The following B4GALNT3 variants were observed in gnomAD, a reference collection of about 807,000 sequenced individuals.
B4GALNT3 encodes beta-1,4-N-acetylgalactosaminyltransferase 3.
In B4GALNT3, 86 loss-of-function variants were observed where a neutral mutation model predicts 120.2. That is an observed-to-expected ratio of 0.72 (90% confidence interval 0.60 to 0.86). The LOEUF is 0.86. Among genes scored for constraint, B4GALNT3 ranks in the 40% least tolerant of loss-of-function variants. B4GALNT3 has a pLI of 0.00. For synonymous variants in B4GALNT3, 518 were observed against 510.4 expected, an observed-to-expected ratio of 1.01 and a Z score of -0.20; for missense variants, 1,167 against 1,298.9, an observed-to-expected ratio of 0.90 and a Z score of 1.56.
intron 1 of B4GALNT3, among the ~76,000 whole-genome samples, chr12:497,636 C>T (rs983839628): frequency 3.9e-5 from 6 of 152,252 alleles, no homozygotes; most frequent in East Asian, 3.9e-4. Context: ...GACCCAGGAG[C>T]GGAATTCCTG....
At chr12:552,034 A>T (rs1403596503) in intron 11 of B4GALNT3, 29 bp from the exon 12 acceptor site, 1 of 1,494,730 alleles carries the variant, frequency 6.7e-7, no homozygotes. Context: ...TCACTCTCTT[A>T]CTCCTGCTGC....
chr12:524,662 G>T (rs919874423), intron 1 of B4GALNT3, among the ~76,000 whole-genome samples: 1 of 148,918 alleles, frequency 6.7e-6, no homozygotes, highest in African/African-American at 2.5e-5. Context: ...AAAGAAAAAA[G>T]AAAAGAAAAC....
intron 1 of B4GALNT3, among the ~76,000 whole-genome samples, chr12:475,236 A>C (rs1021542908): frequency 1.3e-5 from 2 of 152,202 alleles, no homozygotes. Context: ...GAGGAGGTAC[A>C]CAGTCCCCTG....
chr12:499,359 C>G (rs772031287), intron 1 of B4GALNT3, among the ~76,000 whole-genome samples: 5 of 151,276 alleles, frequency 3.3e-5, no homozygotes, highest in African/African-American at 7.3e-5. Flanking sequence ...CTATCTAGAA[C>G]AGTCCTAGCC....
chr12:543,086 GGGAATGAACACCA>G, intron 3 of B4GALNT3: 1 of 1,283,068 alleles, frequency 7.8e-7, no homozygotes, highest in South Asian at 1.2e-5. Context: ...CCGTTGCCTG[GGGAATGAACACCA>G]GCCCCCTTCC....
Position 557,828 on chromosome 12 carries a change from G to T in B4GALNT3, c.2534+67G>T. On this transcript the variant is annotated intron_variant, in intron 16 of 19. Transcript: ENST00000266383. ...CATCCTAAAGTCCTAGGGCTGCTGGGTCCAGGGTAGAGCCAGGAGTCCTGC... is the reference window on the plus strand; with the variant it reads ...CATCCTAAAGTCCTAGGGCTGCTGGTTCCAGGGTAGAGCCAGGAGTCCTGC... 1.9e-6 allele frequency: 3 copies of T among 1,542,406 alleles called. No individual in the cohort carries two copies. The South Asian group carries it at 3.7e-5, about 19-fold the overall frequency.
chr12:473,542 A>G (rs1946156846), intron 1 of B4GALNT3, among the ~76,000 whole-genome samples: 1 of 152,208 alleles, frequency 6.6e-6, no homozygotes, highest in East Asian at 1.9e-4. Flanking sequence ...ACTCTGCCAC[A>G]ATCATTTAAT....
At chr12:488,348 AAAG>A (rs745677734) in intron 1 of B4GALNT3, among the ~76,000 whole-genome samples, 4 of 152,340 alleles carry the variant, frequency 2.6e-5, no homozygotes, top group Admixed American at 1.3e-4. Context: ...TACATAAAGA[AAAG>A]AAGAATGTTG....
At position 558,553 on chromosome 12, in the gene B4GALNT3, C is replaced by T. The variant is rs1257625381; in HGVS notation, c.2653C>T (p.Pro885Ser). The T allele has an allele frequency of 6.2e-7, 1 of 1,614,162 alleles. No homozygotes were observed. Among genetic ancestry groups the T allele is most frequent in the South Asian group, 1.1e-5 (1 of 91,080 alleles). Residue 885 changes from proline (P) to serine (S), a missense_variant, in exon 18 of 20, where the codon CCA (proline) becomes TCA (serine). By Grantham distance (74) the Pro-to-Ser change is moderately conservative (BLOSUM62 -1). Transcript: ENST00000266383. Reference sequence around the variant, plus strand: ...CCTCTGTGACCTCCACATCCACTTCCCAGCTGGAGTCATCGATGCCATTCG... The same window carrying T: ...CCTCTGTGACCTCCACATCCACTTCTCAGCTGGAGTCATCGATGCCATTCG... ...IFLCDLHIHFPAGVIDAIRKH... is the reference protein window; with the variant it reads ...IFLCDLHIHFSAGVIDAIRKH...
At chr12:543,904 G>C (rs1263050188) in intron 3 of B4GALNT3, among the ~76,000 whole-genome samples, 3 of 121,026 alleles carry the variant, frequency 2.5e-5, no homozygotes, top group Non-Finnish European at 5.2e-5. Flanking sequence ...GAGCTGAGGA[G>C]CTGGGACGGG....
intron 1 of B4GALNT3, among the ~76,000 whole-genome samples, chr12:485,659 A>C (rs1946283897): frequency 6.6e-6 from 1 of 152,224 alleles, no homozygotes. Context: ...GAGGCGATAC[A>C]AGCATATGAT....
chr12:561,513 C>T lies in B4GALNT3; in HGVS notation c.*62C>T, dbSNP rs1285232002. 7.5e-7 allele frequency: 1 copy of T among 1,325,546 alleles called. No individual in the cohort carries two copies. The highest frequency in any genetic ancestry group is 1.2e-5 in the South Asian group (1 of 81,162). 82.1% of individuals were successfully genotyped at this position (1,325,546 alleles called of 1,614,324 possible). On this transcript the variant is annotated 3_prime_UTR_variant, in exon 20 of 20. Coordinates refer to ENST00000266383, the MANE Select transcript of B4GALNT3 (RefSeq NM_173593.4). The stretch of plus-strand genomic sequence containing the variant: ...TGGACTAGCAGTGGCTCCCCAGGGC[C>T]CTGCTACTGTTCAGGGATGGGGAGT...
At position 561,517 on chromosome 12, in the gene B4GALNT3, C is replaced by CTACT; in HGVS notation, c.*67_*70dup. ...CTAGCAGTGGCTCCCCAGGGCCCTG[C>CTACT]TACTGTTCAGGGATGGGGAGTGGGG... On this transcript the variant is annotated 3_prime_UTR_variant, in exon 20 of 20. Coordinates refer to ENST00000266383, the MANE Select transcript of B4GALNT3 (RefSeq NM_173593.4). 1 of 1,316,768 alleles carries CTACT rather than the reference C, an allele frequency of 7.6e-7. No homozygotes were observed. 81.6% of individuals were successfully genotyped at this position (1,316,768 alleles called of 1,614,324 possible).
At chr12:500,221 G>A (rs1946425385) in intron 1 of B4GALNT3, among the ~76,000 whole-genome samples, 1 of 152,020 alleles carries the variant, frequency 6.6e-6, no homozygotes, top group African/African-American at 2.4e-5. Flanking sequence ...ATACCGCACT[G>A]CAGCCCCAAA....
intron 15 of B4GALNT3, among the ~76,000 whole-genome samples, chr12:557,146 G>A (rs940165089): frequency 3.3e-5 from 5 of 152,174 alleles, no homozygotes; most frequent in African/African-American, 1.2e-4. Flanking sequence ...TAACACTGGG[G>A]ATGATCATTG....
chr12:541,747 C>T (rs1438683300), intron 3 of B4GALNT3, among the ~76,000 whole-genome samples: 3 of 151,900 alleles, frequency 2.0e-5, no homozygotes, highest in Non-Finnish European at 4.4e-5. Context: ...TCTGATGATC[C>T]CTTTGCTCAG....
At chr12:504,894 G>GTT (rs113905340) in intron 1 of B4GALNT3, among the ~76,000 whole-genome samples, 9 of 143,964 alleles carry the variant, frequency 6.3e-5, no homozygotes, top group African/African-American at 7.6e-5. Flanking sequence ...TTCATCACAG[G>GTT]TTTTTTTTTT....
chr12:494,894 G>A (rs996938417), intron 1 of B4GALNT3, among the ~76,000 whole-genome samples: 10 of 152,160 alleles, frequency 6.6e-5, no homozygotes, highest in African/African-American at 2.2e-4. Context: ...TTTAGTCTCA[G>A]GTTTCACTCG....
intron 1 of B4GALNT3, among the ~76,000 whole-genome samples, chr12:511,860 T>TCCAC (rs1291035681): frequency 3.1e-5 from 1 of 32,276 alleles, no homozygotes; most frequent in African/African-American, 1.6e-4. Context: ...CCTTCCACCT[T>TCCAC]CTTCCACCTT....
Sources: allele counts gnomAD v4.1 joint callset (sites outside exome capture counted in the v4.1 genomes callset), GRCh38; gene constraint gnomAD v4.1.1; transcripts MANE v1.5; gene names NCBI Gene and HGNC (gene_info 2026-07-23, HGNC 2026-07-21).